Variants in WASHC2C observed in about 807,000 individuals in gnomAD.
WASHC2C encodes Vaccinia Penetration Factor.
A neutral mutation model predicts 142.2 loss-of-function variants in WASHC2C; 73 were observed. The ratio of observed to expected loss-of-function variants is 0.51; its 90% CI spans 0.43 to 0.62. The LOEUF (loss-of-function observed/expected upper bound fraction) is 0.62, where lower values mean the gene tolerates loss of function less well. Ranked by LOEUF, WASHC2C falls within the 20% of genes least tolerant of loss-of-function variation. The probability of loss-of-function intolerance (pLI) is 0.00; values close to 1 mark genes in which losing one functional copy is unlikely to be tolerated. For missense variants in WASHC2C, 969 were observed against 1,531.7 expected (o/e 0.63, Z 6.13); for synonymous variants, 337 against 565.5 (o/e 0.60, Z 5.73).
At chr10:45,735,272 C>G (rs2051076725) in intron 3 of WASHC2C, among the ~76,000 whole-genome samples, 1 of 150,900 alleles carries the variant, frequency 6.6e-6, no homozygotes, top group Admixed American at 6.6e-5. Context: ...TCTTGTTGCT[C>G]AGACTGGAGT....
At chr10:45,746,767 A>G (rs1455531189) in intron 8 of WASHC2C, 120 bp downstream of exon 8, 16 of 1,405,192 alleles carry the variant, frequency 1.1e-5, no homozygotes, top group Non-Finnish European at 1.6e-5. Context: ...TATACAATTT[A>G]TTTTCCTTTA....
intron 18 of WASHC2C, among the ~76,000 whole-genome samples, chr10:45,764,032 A>C (rs1252469051): frequency 6.6e-6 from 1 of 151,826 alleles, no homozygotes; most frequent in South Asian, 2.1e-4. Flanking sequence ...AGTGAAATCT[A>C]CAGGTTTTAT....
At position 45,789,056 on chromosome 10, in the gene WASHC2C, C is replaced by A; in HGVS notation, c.3273C>A (p.Ser1091Arg). 1 of 1,612,036 alleles carries A rather than the reference C, an allele frequency of 6.2e-7. No homozygotes were observed. Among genetic ancestry groups the A allele is most frequent in the Non-Finnish European group, 8.5e-7 (1 of 1,179,848 alleles). ...TCAGAGCAGCCAGTGGAGAAGACAGCACTGAGGAGGCCCTGGCAGCTGCCG... is the reference window on the plus strand; with the variant it reads ...TCAGAGCAGCCAGTGGAGAAGACAGAACTGAGGAGGCCCTGGCAGCTGCCG... Reference protein sequence around the residue: ...PQLRAASGEDSTEEALAAAAA... With the variant: ...PQLRAASGEDRTEEALAAAAA... The change falls in exon 29 of 31, where the codon AGC becomes AGA. Residue 1091 changes from serine to arginine, a missense_variant. By Grantham distance (110) the Ser-to-Arg change is moderately radical. Transcript: ENST00000623400.
intron 26 of WASHC2C, 81 bp from the exon 27 acceptor site, chr10:45,786,531 C>T (rs1242579476): frequency 7.0e-7 from 1 of 1,435,956 alleles, no homozygotes; most frequent in African/African-American, 1.4e-5. Flanking sequence ...TTTGCTCCAT[C>T]ACAGATTTAT....
At chr10:45,742,389 A>T (rs1247447767) in intron 5 of WASHC2C, among the ~76,000 whole-genome samples, 2 of 152,086 alleles carry the variant, frequency 1.3e-5, no homozygotes, top group South Asian at 2.1e-4. Context: ...ATGTTGGCTC[A>T]CTGCAACCTC....
rs1474079404 is a variant in WASHC2C, at chr10:45,763,944, C to T, written c.1737+455C>T. 6.6e-5 allele frequency among the ~76,000 whole-genome samples: 10 copies of T among 152,222 alleles called. No individual in the cohort carries two copies. The East Asian group carries it at 1.2e-3, about 18-fold the overall frequency. ...TTCGAACTCCTGATCTCAGGTGATCCGCCTGCCTCGGCCTCCCTAAGTGCT... is the reference window on the plus strand; with the variant it reads ...TTCGAACTCCTGATCTCAGGTGATCTGCCTGCCTCGGCCTCCCTAAGTGCT... On this transcript the variant is annotated intron_variant, in intron 18 of 30. Transcript: ENST00000623400.
intron 20 of WASHC2C, among the ~76,000 whole-genome samples, chr10:45,771,226 G>A (rs1190703203): frequency 8.5e-4 from 129 of 151,948 alleles, no homozygotes; most frequent in African/African-American, 2.9e-3. Context: ...TGAGCTGGGC[G>A]TCGTGTCACG....
At chr10:45,757,351 C>T (rs1483099555) in intron 16 of WASHC2C, among the ~76,000 whole-genome samples, 1 of 147,154 alleles carries the variant, frequency 6.8e-6, no homozygotes, top group Non-Finnish European at 1.5e-5. Flanking sequence ...GGATGTAAAC[C>T]TTGTTACATA....
intron 3 of WASHC2C, among the ~76,000 whole-genome samples, chr10:45,729,300 G>T (rs2597049): frequency 1.3e-5 from 2 of 152,054 alleles, no homozygotes; most frequent in Non-Finnish European, 2.9e-5. Flanking sequence ...GTGCTGAATT[G>T]TGTGGCACTC....
At chr10:45,754,012 G>A (rs1326010204) in intron 13 of WASHC2C, among the ~76,000 whole-genome samples, 3 of 151,500 alleles carry the variant, frequency 2.0e-5, no homozygotes, top group Non-Finnish European at 4.4e-5. Flanking sequence ...TCTGCTTTCT[G>A]CTGTCCATGT....
chr10:45,763,027 C>T (rs2458459), intron 17 of WASHC2C, among the ~76,000 whole-genome samples: 4 of 150,832 alleles, frequency 2.7e-5, no homozygotes, highest in South Asian at 2.1e-4. Context: ...TGTCTAATCT[C>T]TGATTCTTTA....
intron 23 of WASHC2C, among the ~76,000 whole-genome samples, chr10:45,784,293 C>CATAAACATATATATAT (rs2057840348): frequency 1.6e-5 from 1 of 63,660 alleles, no homozygotes; most frequent in Non-Finnish European, 3.1e-5. Flanking sequence ...TATATATACA[C>CATAAACATATATATAT]ATATATATAT....
At chr10:45,753,650 T>C (rs1253015510) in intron 13 of WASHC2C, among the ~76,000 whole-genome samples, 2 of 140,232 alleles carry the variant, frequency 1.4e-5, no homozygotes. Flanking sequence ...GTTTTTTGTT[T>C]TTGTATTTTT....
At chr10:45,786,831 T>C (rs2058079853) in intron 27 of WASHC2C, 157 bp downstream of exon 27, 3 of 1,531,670 alleles carry the variant, frequency 2.0e-6, no homozygotes, top group Non-Finnish European at 1.8e-6. Context: ...GCTGCGTCTT[T>C]AACATCTATT....
At chr10:45,762,722 G>A (rs2135127626) in intron 17 of WASHC2C, among the ~76,000 whole-genome samples, 1 of 152,248 alleles carries the variant, frequency 6.6e-6, no homozygotes, top group South Asian at 2.1e-4. Context: ...TGGCTAACAT[G>A]GTGAAACCCC....
Position 45,752,637 on chromosome 10 carries a change from C to A in WASHC2C, c.1053C>A (p.Phe351Leu). 6.2e-7 allele frequency: 1 copy of A among 1,609,906 alleles called. No individual in the cohort carries two copies. Among genetic ancestry groups the A allele is most frequent in the Non-Finnish European group, 8.5e-7 (1 of 1,178,926 alleles). Residue 351 changes from phenylalanine (F) to leucine (L), a missense_variant, in exon 12 of 31, where the codon TTC becomes TTA. Phe to Leu is a conservative substitution (Grantham distance 22). Coordinates refer to ENST00000623400, the MANE Select transcript of WASHC2C (RefSeq NM_001330074.2). ...FAPPKLTDED[F>L]SPFGSGGGLF... ...CCCCCAAGCTGACCGACGAGGACTT[C>A]TCGCCATTTGGCTCTGGAGGTGGCC...
intron 3 of WASHC2C, among the ~76,000 whole-genome samples, chr10:45,736,892 A>G (rs1460216247): frequency 5.9e-5 from 9 of 152,144 alleles, no homozygotes; most frequent in Admixed American, 4.6e-4. Context: ...AAAGTTTTAT[A>G]ATCACGGCCA....
At chr10:45,766,092 C>A (rs1441036708) in intron 19 of WASHC2C, among the ~76,000 whole-genome samples, 2 of 152,084 alleles carry the variant, frequency 1.3e-5, no homozygotes, top group Non-Finnish European at 2.9e-5. Flanking sequence ...TCTCAGCCAT[C>A]GCTAGTTCAT....
intron 23 of WASHC2C, among the ~76,000 whole-genome samples, chr10:45,784,287 T>TATATATAC (rs1554889013): frequency 2.3e-4 from 2 of 8,524 alleles, no homozygotes; most frequent in Non-Finnish European, 3.1e-4. Flanking sequence ...TATATATATA[T>TATATATAC]ATACACATAT....
Sources: gnomAD v4.1 joint callset for allele counts (sites outside exome capture counted in the v4.1 genomes callset) on GRCh38, gnomAD v4.1.1 for gene constraint, MANE v1.5 for transcripts, NCBI Gene and HGNC (gene_info 2026-07-23, HGNC 2026-07-21) for gene names.